DCTD: variants seen among roughly 807,000 people sequenced by gnomAD.
DCTD encodes the protein dCMP deaminase.
Under a neutral mutation model 21.0 loss-of-function variants are expected in DCTD, and 23 were observed. The ratio of observed to expected loss-of-function variants is 1.09; its 90% CI spans 0.79 to 1.55. DCTD has a LOEUF of 1.55. Ranked by LOEUF, DCTD falls within the 40% of genes most tolerant of loss-of-function variation. The pLI is 0.00. For missense variants in DCTD, 224 were observed against 230.0 expected, an observed-to-expected ratio of 0.97 and a Z score of 0.17; for synonymous variants, 71 against 81.1, an observed-to-expected ratio of 0.88 and a Z score of 0.67.
intron 3 of DCTD, among the ~76,000 whole-genome samples, chr4:182,914,699 G>C (rs947050131): frequency 6.6e-6 from 1 of 152,234 alleles, no homozygotes; most frequent in Non-Finnish European, 1.5e-5. Context: ...AGGCAGCAGA[G>C]CCCTGGATCT....
chr4:182,892,392 C>G (rs1733925374), intron 5 of DCTD, among the ~76,000 whole-genome samples: 1 of 151,986 alleles, frequency 6.6e-6, no homozygotes, highest in Non-Finnish European at 1.5e-5. Context: ...AAAAAGAATC[C>G]CCAGGTGGCT....
chr4:182,916,654 A>T (rs950105383), intron 1 of DCTD: 10 of 1,010,536 alleles, frequency 9.9e-6, no homozygotes, highest in African/African-American at 1.7e-5. Flanking sequence ...ACAGGTGCTG[A>T]ATCAGCCTGG....
At chr4:182,908,512 T>C (rs973757826) in intron 3 of DCTD, among the ~76,000 whole-genome samples, 5 of 151,660 alleles carry the variant, frequency 3.3e-5, no homozygotes, top group African/African-American at 9.7e-5. Flanking sequence ...TGAAACCCCA[T>C]CTCTACTAAA....
intron 5 of DCTD, 100 bp from the exon 6 acceptor site, chr4:182,891,577 C>G: frequency 1.2e-6 from 1 of 801,024 alleles, no homozygotes; most frequent in South Asian, 1.5e-5. Flanking sequence ...AAAAATATGT[C>G]CTGGGATTCA....
At chr4:182,897,272 G>T (rs1481914729) in intron 3 of DCTD, among the ~76,000 whole-genome samples, 2 of 151,540 alleles carry the variant, frequency 1.3e-5, no homozygotes, top group Non-Finnish European at 2.9e-5. Context: ...ACAAGATGAA[G>T]AATGTAAAGC....
At chr4:182,916,704 T>C (rs1330242568) in intron 1 of DCTD, 3 of 1,034,506 alleles carry the variant, frequency 2.9e-6, no homozygotes, top group South Asian at 2.7e-5. Flanking sequence ...ATCATCGCTG[T>C]GGGGTGCTGG....
intron 1 of DCTD, chr4:182,916,932 C>A (rs1738845769): frequency 1.0e-6 from 1 of 1,000,128 alleles, no homozygotes; most frequent in African/African-American, 1.7e-5. Flanking sequence ...CCCAGGCACA[C>A]CCCACGCCGC....
intron 3 of DCTD, among the ~76,000 whole-genome samples, chr4:182,905,574 G>A (rs1298202954): frequency 3.9e-5 from 6 of 152,056 alleles, no homozygotes; most frequent in Admixed American, 1.3e-4. Flanking sequence ...TGATCTCCCC[G>A]CCTCGGCCTC....
chr4:182,896,985 G>C (rs1579678881), intron 3 of DCTD, among the ~76,000 whole-genome samples: 1 of 152,078 alleles, frequency 6.6e-6, no homozygotes, highest in African/African-American at 2.4e-5. Context: ...GATGGTGCTG[G>C]TATTAATATT....
chr4:182,911,829 G>A (rs183049331), intron 3 of DCTD, among the ~76,000 whole-genome samples: 165 of 152,298 alleles, frequency 1.1e-3, no homozygotes, highest in Middle Eastern at 0.01. Context: ...AACAAAAAAT[G>A]TTACTGATAC....
intron 3 of DCTD, among the ~76,000 whole-genome samples, chr4:182,903,445 A>C (rs562563812): frequency 6.6e-6 from 1 of 152,188 alleles, no homozygotes; most frequent in South Asian, 2.1e-4. Flanking sequence ...TGACAGTGTA[A>C]GTGTGTGTGT....
chr4:182,907,083 T>C (rs1736850414), intron 3 of DCTD, among the ~76,000 whole-genome samples: 1 of 152,244 alleles, frequency 6.6e-6, no homozygotes, highest in South Asian at 2.1e-4. Flanking sequence ...TTCAAAGAGT[T>C]TTCAGCGTGT....
intron 1 of DCTD, chr4:182,915,903 T>A (rs1407749476): frequency 2.7e-6 from 3 of 1,106,206 alleles, no homozygotes; most frequent in Non-Finnish European, 3.3e-6. Context: ...CAAAGCGGAG[T>A]CAGCACAGGA....
At chr4:182,907,596 C>T (rs75009994) in intron 3 of DCTD, among the ~76,000 whole-genome samples, 1,926 of 152,044 alleles carry the variant, frequency 0.013, 50 homozygotes, top group African/African-American at 0.043. Context: ...AGTCTTTAAT[C>T]GTTAGAGGAG....
Position 182,915,026 on chromosome 4 carries a change from C to A in DCTD, c.141G>T (p.Lys47Asn), listed in dbSNP as rs1490853447. ...TCCCATTGTACCCAATCCCGACAAT[C>A]TTGTTTTCTGAATTCACGATGCAGG... Reference protein sequence around the residue: ...VGACIVNSENKIVGIGYNGMP... With the variant: ...VGACIVNSENNIVGIGYNGMP... Residue 47 changes from lysine to asparagine, a missense_variant, in exon 3 of 6, where the codon AAG becomes AAT. Lys to Asn is a moderately conservative substitution (Grantham distance 94). Coordinates refer to ENST00000438320, the MANE Select transcript of DCTD (RefSeq NM_001921.3). 6 of 1,614,248 alleles carry A rather than the reference C, an allele frequency of 3.7e-6. No homozygotes were observed. Among genetic ancestry groups the A allele is most frequent in the Non-Finnish European group, 4.2e-6 (5 of 1,180,044 alleles).
chr4:182,901,157 CAGAT>C (rs1735671182), intron 3 of DCTD, among the ~76,000 whole-genome samples: 1 of 152,190 alleles, frequency 6.6e-6, no homozygotes, highest in Non-Finnish European at 1.5e-5. Context: ...TAAGGTTACT[CAGAT>C]AGGTTTGTTT....
intron 3 of DCTD, among the ~76,000 whole-genome samples, chr4:182,902,794 G>A (rs536439448): frequency 2.0e-3 from 299 of 152,310 alleles, no homozygotes; most frequent in Non-Finnish European, 3.6e-3. Flanking sequence ...GCTGGGCTGC[G>A]ATGCCCCAGC....
At chr4:182,915,815 T>A (rs900108221) in intron 1 of DCTD, 2 of 1,108,910 alleles carry the variant, frequency 1.8e-6, no homozygotes, top group African/African-American at 3.2e-5. Context: ...TTCCCAAATA[T>A]TTCATCTATT....
At chr4:182,900,510 T>C (rs1410843631) in intron 3 of DCTD, among the ~76,000 whole-genome samples, 3 of 151,998 alleles carry the variant, frequency 2.0e-5, no homozygotes, top group African/African-American at 4.8e-5. Context: ...AAGAAGTAAT[T>C]GTTAGTTTTT....
Sources: gnomAD v4.1 joint callset for allele counts (sites outside exome capture counted in the v4.1 genomes callset) on GRCh38, gnomAD v4.1.1 for gene constraint, MANE v1.5 for transcripts, NCBI Gene and HGNC (gene_info 2026-07-23, HGNC 2026-07-21) for gene names.